Variants in CHODL observed in about 807,000 individuals in gnomAD.
CHODL encodes chondrolectin, also known as transmembrane protein MT75.
Under a neutral mutation model 34.5 loss-of-function variants are expected in CHODL, and 29 were observed. The observed-to-expected ratio is 0.84, with a 90% CI of 0.63 to 1.15. The LOEUF is 1.15. CHODL is among the 50% of genes most tolerant of loss of function. The pLI, the probability that CHODL is intolerant of heterozygous loss-of-function variation, is 0.00. For synonymous variants in CHODL, 125 were observed against 116.1 expected (o/e 1.08, Z -0.49); for missense variants, 332 against 332.5 (o/e 1.00, Z 0.01).
chr21:18,220,820 AT>A (rs1416506237), intron 2 of CHODL, among the ~76,000 whole-genome samples: 4 of 151,760 alleles, frequency 2.6e-5, no homozygotes, highest in South Asian at 2.1e-4. Flanking sequence ...TGTTTTTAGA[AT>A]TATCTTTGTC....
At chr21:18,241,892 T>A (rs1041717715), upstream of CHODL, among the ~76,000 whole-genome samples, 2 of 152,192 alleles carry the variant, frequency 1.3e-5, no homozygotes, top group Non-Finnish European at 2.9e-5. Context: ...CCACTTTTAC[T>A]GAGATCATCC....
chr21:18,017,790 G>A (rs911872984), intron 1 of CHODL, among the ~76,000 whole-genome samples: 1 of 152,198 alleles, frequency 6.6e-6, no homozygotes, highest in Admixed American at 6.5e-5. Flanking sequence ...AACCCAGAAT[G>A]ATAGATCTAC....
chr21:17,927,115 T>C (rs534823798), intron 1 of CHODL, among the ~76,000 whole-genome samples: 136 of 135,312 alleles, frequency 1.0e-3, no homozygotes, highest in African/African-American at 3.9e-3. Context: ...TATGTATATA[T>C]GTATATATGT....
chr21:18,005,504 C>A (rs1469769167), intron 1 of CHODL, among the ~76,000 whole-genome samples: 1 of 152,158 alleles, frequency 6.6e-6, no homozygotes, highest in African/African-American at 2.4e-5. Flanking sequence ...GAAGGAATTT[C>A]TGTGAGTTTG....
chr21:18,260,356 C>A, intron 4 of CHODL, 70 bp downstream of exon 4: 1 of 988,602 alleles, frequency 1.0e-6, no homozygotes, highest in Non-Finnish European at 1.5e-6. Context: ...TTCATGTTGA[C>A]CCCAGTGAAA....
intron 2 of CHODL, among the ~76,000 whole-genome samples, chr21:18,170,081 A>C (rs1028322183): frequency 6.6e-6 from 1 of 151,866 alleles, no homozygotes; most frequent in African/African-American, 2.4e-5. Flanking sequence ...CAATCCTATC[A>C]GTTTTAATTT....
At chr21:17,940,878 C>G (rs539317210) in intron 1 of CHODL, among the ~76,000 whole-genome samples, 6 of 152,298 alleles carry the variant, frequency 3.9e-5, no homozygotes, top group Admixed American at 2.0e-4. Context: ...TATCTGTAAA[C>G]TTCTCTCTTA....
At chr21:17,976,357 G>T (rs982460202) in intron 1 of CHODL, among the ~76,000 whole-genome samples, 1 of 151,198 alleles carries the variant, frequency 6.6e-6, no homozygotes, top group African/African-American at 2.4e-5. Context: ...TACAGACAAG[G>T]AGTGGGTAGA....
At chr21:18,202,467 T>A (rs892299302) in intron 2 of CHODL, among the ~76,000 whole-genome samples, 1 of 152,154 alleles carries the variant, frequency 6.6e-6, no homozygotes. Flanking sequence ...GGCACATGCA[T>A]CAAGGAAAGG....
intron 1 of CHODL, among the ~76,000 whole-genome samples, chr21:18,248,739 ATG>A (rs2074186121): frequency 1.7e-5 from 2 of 117,388 alleles, no homozygotes; most frequent in Non-Finnish European, 3.3e-5. Context: ...TATAATATAT[ATG>A]TATAATATAT....
At chr21:18,228,568 T>C (rs1339118129) in intron 2 of CHODL, among the ~76,000 whole-genome samples, 2 of 152,190 alleles carry the variant, frequency 1.3e-5, no homozygotes, top group Non-Finnish European at 2.9e-5. Flanking sequence ...TTTTCAGTTC[T>C]CTGCTGTATA....
intron 1 of CHODL, among the ~76,000 whole-genome samples, chr21:17,998,483 C>T (rs1413670550): frequency 6.6e-6 from 1 of 152,220 alleles, no homozygotes; most frequent in Non-Finnish European, 1.5e-5. Flanking sequence ...GGAGCTCTGA[C>T]CCCACATTTC....
intron 2 of CHODL, among the ~76,000 whole-genome samples, chr21:18,083,542 A>T (rs781038215): frequency 1.3e-4 from 20 of 152,178 alleles, no homozygotes; most frequent in Non-Finnish European, 1.9e-4. Context: ...ACACCAACCC[A>T]TGAAAGCAGC....
intron 1 of CHODL, among the ~76,000 whole-genome samples, chr21:17,951,708 T>G (rs897461054): frequency 9.2e-5 from 14 of 152,132 alleles, no homozygotes; most frequent in Non-Finnish European, 1.5e-5. Context: ...ATTAAAAAAT[T>G]GATAGATTTG....
chr21:18,069,113 T>G lies in CHODL; in HGVS notation c.-45+41142T>G, dbSNP rs561464618. ...TTAGTAAAAACATGCAGAGAAAAATTTCTAGAATAATTATAAGAAAATGTT... is the reference window on the plus strand; with the variant it reads ...TTAGTAAAAACATGCAGAGAAAAATGTCTAGAATAATTATAAGAAAATGTT... On this transcript the variant is annotated intron_variant, in intron 2 of 6. Coordinates refer to the CHODL transcript ENST00000400127. Among the ~76,000 whole-genome samples the G allele has an allele frequency of 8.5e-5, 13 of 152,254 alleles. No homozygotes were observed. In the South Asian group the frequency reaches 2.7e-3, roughly 32 times the overall value.
At chr21:18,138,002 A>G (rs1379531084) in intron 2 of CHODL, among the ~76,000 whole-genome samples, 1 of 152,184 alleles carries the variant, frequency 6.6e-6, no homozygotes, top group Non-Finnish European at 1.5e-5. Context: ...AAAAACCTCC[A>G]AAAATCAGTA....
At chr21:17,999,714 A>G (rs990704450) in intron 1 of CHODL, among the ~76,000 whole-genome samples, 6 of 152,132 alleles carry the variant, frequency 3.9e-5, no homozygotes, top group Admixed American at 1.3e-4. Flanking sequence ...ACCAGCCCCC[A>G]TATTCAATTA....
chr21:17,919,204 C>T (rs2146307479), intron 1 of CHODL, among the ~76,000 whole-genome samples: 1 of 152,334 alleles, frequency 6.6e-6, no homozygotes, highest in South Asian at 2.1e-4. Flanking sequence ...CACAGCTGCA[C>T]TAGGTGGTGC....
chr21:18,006,711 T>C (rs2063964688), intron 1 of CHODL, among the ~76,000 whole-genome samples: 1 of 152,254 alleles, frequency 6.6e-6, no homozygotes, highest in African/African-American at 2.4e-5. Flanking sequence ...GTTATCTTTC[T>C]ATTGAGAAAT....
Sources: gnomAD v4.1 joint callset for allele counts (sites outside exome capture counted in the v4.1 genomes callset) on GRCh38, gnomAD v4.1.1 for gene constraint, MANE v1.5 for transcripts, NCBI Gene and HGNC (gene_info 2026-07-23, HGNC 2026-07-21) for gene names.